MGAT4C: variants seen among roughly 807,000 people sequenced by gnomAD.
MGAT4C encodes alpha-1,3-mannosyl-glycoprotein 4-beta-N-acetylglucosaminyltransferase C.
MGAT4C carries 19 observed loss-of-function variants against 40.1 expected under a neutral mutation model. The ratio of observed to expected loss-of-function variants is 0.47; its 90% confidence interval spans 0.33 to 0.70. The LOEUF (loss-of-function observed/expected upper bound fraction) is 0.70, where lower values mean the gene tolerates loss of function less well. Among genes scored for constraint, MGAT4C ranks in the 30% least tolerant of loss-of-function variants. The pLI is 0.02. For synonymous variants in MGAT4C, 181 were observed against 187.1 expected (o/e 0.97, Z 0.27); for missense variants, 491 against 563.2 (o/e 0.87, Z 1.30).
At chr12:86,829,316 T>C (rs951033229) in intron 1 of MGAT4C, among the ~76,000 whole-genome samples, 10 of 151,692 alleles carry the variant, frequency 6.6e-5, no homozygotes, top group South Asian at 4.2e-4. Flanking sequence ...ACATATGCAT[T>C]TAATTATATA....
At chr12:86,312,944 T>A (rs1250476125) in intron 4 of MGAT4C, among the ~76,000 whole-genome samples, 1 of 152,086 alleles carries the variant, frequency 6.6e-6, no homozygotes, top group Non-Finnish European at 1.5e-5. Flanking sequence ...CTTTAATATA[T>A]CAAAAGGCTT....
intron 1 of MGAT4C, among the ~76,000 whole-genome samples, chr12:86,779,011 T>TAA (rs34368650): frequency 4.9e-5 from 7 of 142,474 alleles, no homozygotes; most frequent in African/African-American, 1.3e-4. Context: ...ACAATTTCAC[T>TAA]AAAAAAAAAA....
At chr12:86,512,031 A>C (rs1450021787) in intron 2 of MGAT4C, among the ~76,000 whole-genome samples, 1 of 152,094 alleles carries the variant, frequency 6.6e-6, no homozygotes, top group African/African-American at 2.4e-5. Flanking sequence ...ATATTAAAAA[A>C]CCTACAATGC....
intron 1 of MGAT4C, among the ~76,000 whole-genome samples, chr12:86,058,550 C>T (rs992174656): frequency 1.3e-5 from 2 of 152,028 alleles, no homozygotes; most frequent in Admixed American, 1.3e-4. Context: ...ATACAATAGT[C>T]TTATGAAGCA....
chr12:86,590,027 C>T (rs909570145), intron 2 of MGAT4C, among the ~76,000 whole-genome samples: 1 of 151,894 alleles, frequency 6.6e-6, no homozygotes, highest in African/African-American at 2.4e-5. Flanking sequence ...GGGAACACTT[C>T]GTAGGATGCT....
chr12:86,043,858 A>G lies in MGAT4C; in HGVS notation c.-7+5816T>C, dbSNP rs542412558. 6.6e-5 allele frequency among the ~76,000 whole-genome samples: 10 copies of G among 152,280 alleles called. No individual in the cohort carries two copies. The East Asian group carries it at 1.5e-3, about 24-fold the overall frequency. ...ATCTTCTTTCCTGTCCATGATCTGA[A>G]TTCTACTTCTGTCATTTCAGCCATT... is the stretch of plus-strand genomic sequence containing the variant. On this transcript the variant is annotated intron_variant, in intron 2 of 4. Coordinates refer to ENST00000611864, the MANE Select transcript of MGAT4C (RefSeq NM_001351288.2).
At chr12:86,700,082 G>GA (rs1565933999) in intron 2 of MGAT4C, among the ~76,000 whole-genome samples, 11 of 34,010 alleles carry the variant, frequency 3.2e-4, no homozygotes, top group Non-Finnish European at 8.2e-4. Context: ...GATAGATAAT[G>GA]TAGATAGATG....
chr12:86,168,024 G>C (rs965960228), intron 1 of MGAT4C, among the ~76,000 whole-genome samples: 4 of 152,112 alleles, frequency 2.6e-5, no homozygotes, highest in Admixed American at 2.6e-4. Flanking sequence ...TAAGAAGGTA[G>C]ACCAACTAAT....
At chr12:86,386,069 T>G (rs1956044734) in intron 3 of MGAT4C, among the ~76,000 whole-genome samples, 1 of 152,182 alleles carries the variant, frequency 6.6e-6, no homozygotes, top group Non-Finnish European at 1.5e-5. Context: ...TAGCTGGGAC[T>G]ACAGGTGCCC....
intron 1 of MGAT4C, among the ~76,000 whole-genome samples, chr12:86,064,646 T>TA (rs924799819): frequency 6.6e-6 from 1 of 151,672 alleles, no homozygotes; most frequent in Non-Finnish European, 1.5e-5. Flanking sequence ...ACATCAAAAT[T>TA]AAAAAGAACT....
intron 1 of MGAT4C, among the ~76,000 whole-genome samples, chr12:86,054,362 T>A (rs1263587346): frequency 1.3e-5 from 2 of 151,964 alleles, no homozygotes; most frequent in Admixed American, 6.6e-5. Flanking sequence ...TGGGAGTTAT[T>A]ATAAAAAAGC....
At chr12:86,146,014 G>A (rs1400599319) in intron 1 of MGAT4C, among the ~76,000 whole-genome samples, 4 of 151,910 alleles carry the variant, frequency 2.6e-5, no homozygotes, top group Admixed American at 6.6e-5. Context: ...ACATTTTTGG[G>A]GAACACTAAA....
intron 2 of MGAT4C, among the ~76,000 whole-genome samples, chr12:86,466,225 A>C (rs1008885540): frequency 2.2e-4 from 33 of 152,054 alleles, no homozygotes; most frequent in Middle Eastern, 3.4e-3. Flanking sequence ...AAACAAAAAC[A>C]AAAACCCAAA....
chr12:86,552,869 T>C (rs1243515343), intron 2 of MGAT4C, among the ~76,000 whole-genome samples: 1 of 152,160 alleles, frequency 6.6e-6, no homozygotes, highest in Non-Finnish European at 1.5e-5. Context: ...GCTGATGTAA[T>C]TGTGGTTTTA....
At chr12:86,278,449 G>A (rs927069682) in intron 4 of MGAT4C, among the ~76,000 whole-genome samples, 1 of 152,046 alleles carries the variant, frequency 6.6e-6, no homozygotes, top group African/African-American at 2.4e-5. Flanking sequence ...AAAGTGCTGG[G>A]ATTACAGGCG....
At chr12:86,110,432 A>T (rs1243036664) in intron 1 of MGAT4C, among the ~76,000 whole-genome samples, 1 of 147,136 alleles carries the variant, frequency 6.8e-6, no homozygotes, top group African/African-American at 2.5e-5. Flanking sequence ...ATTTCTTTTT[A>T]TAAGAGAAAA....
chr12:86,159,603 AT>A (rs1231810760), intron 1 of MGAT4C, among the ~76,000 whole-genome samples: 3 of 151,178 alleles, frequency 2.0e-5, no homozygotes. Flanking sequence ...GAATTGGTAT[AT>A]TTTTTTTCTT....
chr12:86,277,681 C>T (rs1391586302), intron 4 of MGAT4C, among the ~76,000 whole-genome samples: 1 of 152,070 alleles, frequency 6.6e-6, no homozygotes, highest in African/African-American at 2.4e-5. Flanking sequence ...TTCTTGGCAC[C>T]TTTGTTGAAA....
At chr12:86,757,479 AG>A (rs558396607) in intron 1 of MGAT4C, among the ~76,000 whole-genome samples, 160 of 152,246 alleles carry the variant, frequency 1.1e-3, no homozygotes, top group African/African-American at 3.6e-3. Context: ...ACTGTAAAGC[AG>A]AGATGCGTGT....
Sources: allele counts gnomAD v4.1 joint callset (sites outside exome capture counted in the v4.1 genomes callset), GRCh38; gene constraint gnomAD v4.1.1; transcripts MANE v1.5; gene names NCBI Gene and HGNC (gene_info 2026-07-23, HGNC 2026-07-21).